The following RGL1 variants were observed in gnomAD, a reference collection of about 807,000 sequenced individuals.
RGL1 encodes the protein ral guanine nucleotide dissociation stimulator like 1, also known as ral guanine nucleotide dissociation stimulator-like 1.
Under a neutral mutation model 95.2 loss-of-function variants are expected in RGL1, and 24 were observed. The ratio of observed to expected loss-of-function variants is 0.25; its 90% confidence interval spans 0.18 to 0.35. RGL1 has a LOEUF of 0.35. RGL1 is among the 10% of genes least tolerant of loss of function. RGL1 has a pLI of 1.00. For synonymous variants in RGL1, 329 were observed against 344.9 expected, an observed-to-expected ratio of 0.95 and a Z score of 0.51; for missense variants, 715 against 936.3, an observed-to-expected ratio of 0.76 and a Z score of 3.08.
chr1:183,861,110 T>C (rs1445187300), intron 3 of RGL1, among the ~76,000 whole-genome samples: 1 of 152,202 alleles, frequency 6.6e-6, no homozygotes, highest in Non-Finnish European at 1.5e-5. Context: ...CTTCACTCTA[T>C]AGAATTATAG....
intron 1 of RGL1, among the ~76,000 whole-genome samples, chr1:183,714,404 T>G (rs1460017413): frequency 6.6e-6 from 1 of 152,238 alleles, no homozygotes; most frequent in Non-Finnish European, 1.5e-5. Context: ...CTATTCCATC[T>G]ATTCTAGCTT....
chr1:183,876,190 T>G (rs1268349367), intron 4 of RGL1, among the ~76,000 whole-genome samples: 3 of 152,224 alleles, frequency 2.0e-5, no homozygotes, highest in African/African-American at 7.2e-5. Context: ...AAATTGTTTT[T>G]GTGACTCTGG....
intron 2 of RGL1, among the ~76,000 whole-genome samples, chr1:183,830,596 A>C (rs1663194238): frequency 6.6e-6 from 1 of 152,188 alleles, no homozygotes; most frequent in East Asian, 1.9e-4. Context: ...TAGAACAATA[A>C]GAGCAATGTC....
intron 2 of RGL1, among the ~76,000 whole-genome samples, chr1:183,771,936 G>C (rs1004569913): frequency 2.0e-5 from 3 of 152,194 alleles, no homozygotes; most frequent in Non-Finnish European, 4.4e-5. Context: ...GACACGGAGG[G>C]GAACACGCCG....
chr1:183,804,256 T>C (rs1661149153), upstream of RGL1, among the ~76,000 whole-genome samples: 1 of 152,048 alleles, frequency 6.6e-6, no homozygotes, highest in Admixed American at 6.5e-5. Context: ...ATGAAAGACA[T>C]GAGCCCTAAA....
intron 1 of RGL1, among the ~76,000 whole-genome samples, chr1:183,714,991 C>T (rs2102186864): frequency 6.6e-6 from 1 of 152,238 alleles, no homozygotes; most frequent in African/African-American, 2.4e-5. Context: ...TATATTTTAC[C>T]TTGTTTAGTC....
intron 4 of RGL1, among the ~76,000 whole-genome samples, chr1:183,879,022 A>G (rs1666675826): frequency 6.6e-6 from 1 of 152,208 alleles, no homozygotes; most frequent in Non-Finnish European, 1.5e-5. Flanking sequence ...CAGGTTTTCA[A>G]TTAATTTCTG....
At chr1:183,764,661 G>A (rs1658873332) in intron 2 of RGL1, among the ~76,000 whole-genome samples, 1 of 152,166 alleles carries the variant, frequency 6.6e-6, no homozygotes, top group Non-Finnish European at 1.5e-5. Context: ...GAATATGGTT[G>A]TCGATCTTTC....
intron 2 of RGL1, among the ~76,000 whole-genome samples, chr1:183,817,605 T>C (rs1223593278): frequency 6.6e-6 from 1 of 152,192 alleles, no homozygotes; most frequent in Non-Finnish European, 1.5e-5. Context: ...CCAGCATTCA[T>C]TCCCTGTTCT....
intron 3 of RGL1, among the ~76,000 whole-genome samples, chr1:183,857,208 T>C (rs1203577266): frequency 1.3e-5 from 2 of 152,094 alleles, no homozygotes; most frequent in African/African-American, 2.4e-5. Context: ...GTTGCTGGCT[T>C]TGAAGATGGA....
At chr1:183,873,526 G>A (rs879739353) in intron 4 of RGL1, among the ~76,000 whole-genome samples, 1 of 152,156 alleles carries the variant, frequency 6.6e-6, no homozygotes, top group Non-Finnish European at 1.5e-5. Context: ...CTGACTCCAA[G>A]ACCTGGGTGG....
At chr1:183,907,637 G>A (rs1440950080) in intron 14 of RGL1, among the ~76,000 whole-genome samples, 1 of 152,114 alleles carries the variant, frequency 6.6e-6, no homozygotes, top group Non-Finnish European at 1.5e-5. Flanking sequence ...TAGCAAAAAT[G>A]TTATGTGCCA....
intron 1 of RGL1, among the ~76,000 whole-genome samples, chr1:183,739,987 T>C (rs1270738322): frequency 6.6e-6 from 1 of 152,232 alleles, no homozygotes; most frequent in Non-Finnish European, 1.5e-5. Flanking sequence ...TTGTCTGTTT[T>C]ATCCAGGTTT....
intron 16 of RGL1, among the ~76,000 whole-genome samples, chr1:183,921,115 C>T (rs1669286695): frequency 6.6e-6 from 1 of 152,190 alleles, no homozygotes. Context: ...ATTTAGCTTT[C>T]TTTTCAGGTT....
chr1:183,699,866 A>G (rs1293922146), intron 1 of RGL1, among the ~76,000 whole-genome samples: 1 of 152,254 alleles, frequency 6.6e-6, no homozygotes, highest in Non-Finnish European at 1.5e-5. Context: ...GGGTTCTACA[A>G]TCTGTTGACA....
At chr1:183,792,065 C>G (rs897160310) in intron 2 of RGL1, among the ~76,000 whole-genome samples, 1 of 152,070 alleles carries the variant, frequency 6.6e-6, no homozygotes, top group African/African-American at 2.4e-5. Flanking sequence ...CAGAACTGAG[C>G]TGATATTTTT....
At chr1:183,916,314 T>A in intron 15 of RGL1, 133 bp from the exon 16 acceptor site, 1 of 1,047,952 alleles carries the variant, frequency 9.5e-7, no homozygotes, top group Non-Finnish European at 1.4e-6. Flanking sequence ...ATGAGACACA[T>A]GTGTGCTGTG....
At chr1:183,733,776 T>G (rs953575311) in intron 1 of RGL1, among the ~76,000 whole-genome samples, 18 of 152,214 alleles carry the variant, frequency 1.2e-4, no homozygotes, top group African/African-American at 4.1e-4. Flanking sequence ...CATTATTATG[T>G]GACACTAATT....
At chr1:183,831,896 A>G (rs1464943404) in intron 2 of RGL1, among the ~76,000 whole-genome samples, 1 of 152,230 alleles carries the variant, frequency 6.6e-6, no homozygotes, top group Non-Finnish European at 1.5e-5. Context: ...GCTACTATGA[A>G]TAAAACTGTA....
Sources: gnomAD v4.1 joint callset for allele counts (sites outside exome capture counted in the v4.1 genomes callset) on GRCh38, gnomAD v4.1.1 for gene constraint, MANE v1.5 for transcripts, NCBI Gene and HGNC (gene_info 2026-07-23, HGNC 2026-07-21) for gene names.